Variants in UGGT1 observed in about 807,000 individuals in gnomAD.
The protein encoded by UGGT1 is UDP-glucose glycoprotein glucosyltransferase 1.
Under a neutral mutation model 203.9 loss-of-function variants are expected in UGGT1, and 107 were observed. That is an observed-to-expected ratio of 0.52 (90% CI 0.45 to 0.62). UGGT1 has a LOEUF of 0.62. Ranked by LOEUF, UGGT1 falls within the 20% of genes least tolerant of loss-of-function variation. The pLI, the probability that UGGT1 is intolerant of heterozygous loss-of-function variation, is 0.00. For synonymous variants in UGGT1, 628 were observed against 653.5 expected (o/e 0.96, Z 0.59); for missense variants, 1,673 against 1,867.2 (o/e 0.90, Z 1.92).
At chr2:128,114,716 T>C (rs1239165890) in intron 6 of UGGT1, among the ~76,000 whole-genome samples, 1 of 152,248 alleles carries the variant, frequency 6.6e-6, no homozygotes, top group Non-Finnish European at 1.5e-5. Flanking sequence ...TCTCCATTTC[T>C]TATGGTTGGG....
intron 36 of UGGT1, among the ~76,000 whole-genome samples, chr2:128,181,914 C>T (rs1187701835): frequency 6.6e-6 from 1 of 152,160 alleles, no homozygotes; most frequent in Non-Finnish European, 1.5e-5. Context: ...TTGTTTTATT[C>T]CTACTCCCAC....
rs370770594 is a variant in UGGT1 at position 128,129,163 on chromosome 2, G to A, written c.1361G>A (p.Arg454Gln). Residue 454 changes from arginine to glutamine, a missense_variant, in exon 13 of 41, where the codon CGG becomes CAG. Physicochemically the swap from Arg to Gln is conservative, Grantham distance 43. Coordinates refer to ENST00000259253, the MANE Select transcript of UGGT1 (RefSeq NM_020120.4). The stretch of plus-strand genomic sequence containing the variant: ...GAGGCAGACTATGCCGTAGACATCC[G>A]GAGTCCTGCTATTTCAGTGAGTATT... ...PSEADYAVDI[R>Q]SPAISWVNNL... is the part of the protein sequence containing the mutation. The A allele has an allele frequency of 7.6e-5, 122 of 1,610,070 alleles. 2 individuals are homozygous for A. The South Asian group carries it at 1.0e-3, about 14-fold the overall frequency.
intron 11 of UGGT1, 145 bp from the exon 12 acceptor site, chr2:128,127,216 C>A: frequency 1.6e-6 from 1 of 621,238 alleles, no homozygotes; most frequent in South Asian, 2.1e-5. Context: ...GTCTTACTTG[C>A]CATTGAATCC....
chr2:128,156,565 T>TC, intron 21 of UGGT1, 150 bp downstream of exon 21: 1 of 595,736 alleles, frequency 1.7e-6, no homozygotes, highest in Non-Finnish European at 2.8e-6. Flanking sequence ...ATTTTTTTTT[T>TC]TTTTTTTTTT....
intron 3 of UGGT1, among the ~76,000 whole-genome samples, chr2:128,104,249 C>A (rs1408332183): frequency 6.6e-6 from 1 of 152,038 alleles, no homozygotes; most frequent in Non-Finnish European, 1.5e-5. Context: ...TGTTTTTGTT[C>A]TATCGTGATC....
chr2:128,146,497 CATTT>C lies in UGGT1; in HGVS notation c.2016+534_2016+537del, dbSNP rs1007404475. Among the ~76,000 whole-genome samples, 5 of 152,068 alleles carry C rather than the reference CATTT, an allele frequency of 3.3e-5. No homozygotes were observed. In the South Asian group the frequency reaches 1.0e-3, roughly 32 times the overall value. ...AAAAATTGCAGGCAGTTCTAAGAAA[CATTT>C]ATTCTATTTGTAGGGAATTTTGGCT... On this transcript the variant is annotated intron_variant, in intron 18 of 40. Coordinates refer to ENST00000259253, the MANE Select transcript of UGGT1 (RefSeq NM_020120.4).
At position 128,133,144 on chromosome 2, in the gene UGGT1, G is replaced by T; in HGVS notation, c.1381G>T (p.Val461Phe). 6.2e-7 allele frequency: 1 copy of T among 1,613,736 alleles called. No homozygotes were observed. Among genetic ancestry groups the T allele is most frequent in the South Asian group, 1.1e-5 (1 of 91,050 alleles). ...VDIRSPAISW[V>F]NNLEVDSRYN... ...CCTGTTGTGTTATTTTTTGTAGTGG[G>T]TCAACAACCTGGAGGTTGATAGCAG... Residue 461 changes from valine to phenylalanine, a missense_variant, in exon 14 of 41, where the codon GTC becomes TTC. By Grantham distance (50) the Val-to-Phe change is conservative. Transcript: ENST00000259253.
At position 128,123,254 on chromosome 2, in the gene UGGT1, C is replaced by T; in HGVS notation, c.1134+8C>T. The T allele has an allele frequency of 6.2e-7, 1 of 1,611,470 alleles. No individual in the cohort carries two copies. Among genetic ancestry groups the T allele is most frequent in the Non-Finnish European group, 8.5e-7 (1 of 1,178,562 alleles). On this transcript the variant is annotated splice_region_variant and intron_variant, in intron 11 of 40. Coordinates refer to ENST00000259253, the MANE Select transcript of UGGT1 (RefSeq NM_020120.4). ...GTGGAAGAGAATCAGAAGGTATTCA[C>T]CGATAGAAAATACTGACCTGTTTTG...
chr2:128,183,909 G>GTGT, intron 38 of UGGT1, 120 bp downstream of exon 38: 1 of 339,888 alleles, frequency 2.9e-6, no homozygotes, highest in Admixed American at 3.9e-5. Flanking sequence ...GTTTTTTCAT[G>GTGT]GTGTGTGTGT....
At chr2:128,127,270 A>G (rs1238520798) in intron 11 of UGGT1, 91 bp from the exon 12 acceptor site, 7 of 864,730 alleles carry the variant, frequency 8.1e-6, no homozygotes, top group African/African-American at 3.4e-5. Flanking sequence ...TTAGGATGCC[A>G]AGATTTGTAC....
intron 34 of UGGT1, among the ~76,000 whole-genome samples, chr2:128,178,819 A>G (rs1019659835): frequency 2.6e-5 from 4 of 152,214 alleles, no homozygotes; most frequent in African/African-American, 9.6e-5. Context: ...GTACACATTC[A>G]TAGACTGTAC....
intron 40 of UGGT1, among the ~76,000 whole-genome samples, chr2:128,188,230 A>G (rs1344170027): frequency 6.6e-6 from 1 of 151,928 alleles, no homozygotes; most frequent in African/African-American, 2.4e-5. Context: ...GTTTTAGTAG[A>G]GACAGGGTTT....
chr2:128,134,023 CTTGTCTGTCTCTTTTCTT>C (rs968474544), intron 14 of UGGT1, among the ~76,000 whole-genome samples: 3 of 109,980 alleles, frequency 2.7e-5, no homozygotes, highest in African/African-American at 9.3e-5. Context: ...TACTTTTCTT[CTTGTCTGTCTCTTTTCTT>C]CCCCCCACTC....
chr2:128,163,191 A>G (rs961387051), intron 25 of UGGT1, among the ~76,000 whole-genome samples: 8 of 152,228 alleles, frequency 5.3e-5, no homozygotes, highest in African/African-American at 1.4e-4. Context: ...TCACAGGAAG[A>G]GAATGGCCTG....
chr2:128,121,362 A>G, intron 10 of UGGT1, 64 bp downstream of exon 10: 1 of 1,180,968 alleles, frequency 8.5e-7, no homozygotes, highest in Non-Finnish European at 1.2e-6. Context: ...TCACTTGCCA[A>G]ATGAGGTAAT....
chr2:128,177,961 T>A, intron 33 of UGGT1, 41 bp downstream of exon 33: 2 of 1,525,426 alleles, frequency 1.3e-6, no homozygotes, highest in Non-Finnish European at 1.8e-6. Flanking sequence ...AAGGAAAAAC[T>A]GAGATATAAG....
chr2:128,134,156 C>T (rs891438739), intron 14 of UGGT1, among the ~76,000 whole-genome samples: 6 of 152,162 alleles, frequency 3.9e-5, no homozygotes, highest in African/African-American at 1.4e-4. Flanking sequence ...TCCTGCCTCA[C>T]CTCCCAGTAG....
chr2:128,145,279 A>G (rs1393023263), intron 17 of UGGT1, among the ~76,000 whole-genome samples: 1 of 152,172 alleles, frequency 6.6e-6, no homozygotes. Flanking sequence ...GCCCATGGTC[A>G]CATGTAGATT....
chr2:128,178,051 C>T, intron 33 of UGGT1, 131 bp downstream of exon 33: 1 of 750,700 alleles, frequency 1.3e-6, no homozygotes, highest in South Asian at 2.0e-5. Context: ...ACATCTCACA[C>T]TTATATTTGG....
Sources: gnomAD v4.1 joint callset for allele counts (sites outside exome capture counted in the v4.1 genomes callset) on GRCh38, gnomAD v4.1.1 for gene constraint, MANE v1.5 for transcripts, NCBI Gene and HGNC (gene_info 2026-07-23, HGNC 2026-07-21) for gene names.